The following FAM13A variants were observed in gnomAD, a reference collection of about 807,000 sequenced individuals.
FAM13A encodes protein FAM13A.
In FAM13A, 76 loss-of-function variants were observed where a neutral mutation model predicts 129.6. That is an observed-to-expected ratio of 0.59 (90% CI 0.49 to 0.71). The LOEUF is 0.71. FAM13A is among the 30% of genes least tolerant of loss of function. The pLI is 0.00. For synonymous variants in FAM13A, 443 were observed against 449.9 expected, an observed-to-expected ratio of 0.98 and a Z score of 0.20; for missense variants, 1,108 against 1,249.3, an observed-to-expected ratio of 0.89 and a Z score of 1.70.
chr4:88,909,496 T>G (rs1354794351), intron 5 of FAM13A, among the ~76,000 whole-genome samples: 1 of 151,848 alleles, frequency 6.6e-6, no homozygotes, highest in Non-Finnish European at 1.5e-5. Context: ...GTTTTTTATT[T>G]TTTTTTTTTG....
intron 4 of FAM13A, among the ~76,000 whole-genome samples, chr4:88,983,437 A>G (rs148426942): frequency 2.3e-4 from 35 of 152,320 alleles, no homozygotes; most frequent in African/African-American, 8.2e-4. Flanking sequence ...GCCCTTAAAC[A>G]CAAGTAAAAA....
chr4:88,945,474 C>T (rs2148845765), intron 4 of FAM13A, among the ~76,000 whole-genome samples: 1 of 152,186 alleles, frequency 6.6e-6, no homozygotes, highest in Admixed American at 6.5e-5. Flanking sequence ...TTAATTTTTC[C>T]ATATGTAGGC....
intron 15 of FAM13A, 38 bp from the exon 16 acceptor site, chr4:88,749,947 C>A (rs1742208739): frequency 9.9e-6 from 16 of 1,608,620 alleles, no homozygotes; most frequent in Non-Finnish European, 1.3e-5. Context: ...TCCCCAGGAG[C>A]AGTCACTGCT....
chr4:88,959,485 C>A (rs1296966630), intron 4 of FAM13A, among the ~76,000 whole-genome samples: 1 of 152,204 alleles, frequency 6.6e-6, no homozygotes, highest in East Asian at 1.9e-4. Flanking sequence ...CTCTGCCACT[C>A]TCTCATTTGT....
In FAM13A at chr4:88,731,332, A is replaced by T. The variant is rs781290967; in HGVS notation, c.2940T>A (p.Asn980Lys). The T allele has an allele frequency of 6.3e-7, 1 of 1,594,582 alleles. No individual in the cohort carries two copies. Among genetic ancestry groups the T allele is most frequent in the Non-Finnish European group, 8.6e-7 (1 of 1,166,970 alleles). Residue 980 changes from asparagine (N) to lysine (K), a missense_variant, in exon 23 of 24, where the codon AAT becomes AAA. This residue lies in a region of FAM13A where 529 missense variants were observed against 621.2 expected (regional missense o/e 0.85). Coordinates refer to ENST00000264344, the MANE Select transcript of FAM13A (RefSeq NM_014883.4). Reference sequence around the variant, plus strand: ...TGGGGGAAGACAGGCACTACCTTCCATTCTGTCTGAAAAAGTTGTCTTCAA... The same window carrying T: ...TGGGGGAAGACAGGCACTACCTTCCTTTCTGTCTGAAAAAGTTGTCTTCAA... The part of the protein sequence containing the change: ...RDFEDNFFRQ[N>K]GRNVQKEDRT...
intron 1 of FAM13A, among the ~76,000 whole-genome samples, chr4:89,053,990 A>C (rs1771918287): frequency 6.6e-6 from 1 of 152,182 alleles, no homozygotes; most frequent in Non-Finnish European, 1.5e-5. Flanking sequence ...AATAACATGA[A>C]CTGGCAACTG....
intron 7 of FAM13A, among the ~76,000 whole-genome samples, chr4:88,846,541 A>T (rs958138551): frequency 6.6e-6 from 1 of 152,258 alleles, no homozygotes; most frequent in Non-Finnish European, 1.5e-5. Flanking sequence ...AACAAACATT[A>T]ACTCTCTCTA....
chr4:89,032,247 A>AG (rs1768794618), intron 1 of FAM13A, among the ~76,000 whole-genome samples: 1 of 149,308 alleles, frequency 6.7e-6, no homozygotes, highest in Non-Finnish European at 1.5e-5. Context: ...TCCGTCTCAA[A>AG]AAAAAAAAAA....
chr4:89,012,479 A>C (rs1795734), intron 3 of FAM13A, among the ~76,000 whole-genome samples: 85,054 of 152,106 alleles, frequency 0.56, 24,278 homozygotes, highest in South Asian at 0.73. Context: ...TGGAAGAAAT[A>C]AAATAGAGAA....
chr4:89,009,888 C>T (rs1267773094), intron 3 of FAM13A, among the ~76,000 whole-genome samples: 2 of 152,108 alleles, frequency 1.3e-5, no homozygotes, highest in South Asian at 2.1e-4. Flanking sequence ...AGATGCCAAG[C>T]TCTTAATCAT....
At chr4:88,931,210 T>C (rs1752979711) in intron 5 of FAM13A, among the ~76,000 whole-genome samples, 1 of 152,072 alleles carries the variant, frequency 6.6e-6, no homozygotes, top group Non-Finnish European at 1.5e-5. Flanking sequence ...TGGCAGCAGC[T>C]GTGTCTGTAG....
At chr4:88,820,579 T>A (rs1422416777) in intron 7 of FAM13A, among the ~76,000 whole-genome samples, 4 of 152,226 alleles carry the variant, frequency 2.6e-5, no homozygotes, top group Non-Finnish European at 5.9e-5. Context: ...TTTGGAGATG[T>A]TGAGTAGTAT....
chr4:88,803,480 G>A (rs747068817), intron 8 of FAM13A, among the ~76,000 whole-genome samples: 6 of 152,026 alleles, frequency 3.9e-5, no homozygotes, highest in East Asian at 1.9e-4. Context: ...GTTCTCATTC[G>A]TTGGCATGAA....
intron 1 of FAM13A, among the ~76,000 whole-genome samples, chr4:89,047,952 C>T (rs1476945678): frequency 2.0e-5 from 3 of 152,104 alleles, no homozygotes; most frequent in African/African-American, 4.8e-5. Context: ...TACTAACTCA[C>T]TACAATGGTT....
At chr4:88,745,991 T>C (rs1204016679) in intron 19 of FAM13A, among the ~76,000 whole-genome samples, 3 of 152,014 alleles carry the variant, frequency 2.0e-5, no homozygotes, top group Non-Finnish European at 4.4e-5. Context: ...CACCACTAGG[T>C]GAACAAAGCC....
intron 14 of FAM13A, among the ~76,000 whole-genome samples, chr4:88,752,149 G>A (rs1742758272): frequency 6.6e-6 from 1 of 152,152 alleles, no homozygotes; most frequent in Admixed American, 6.5e-5. Context: ...CAATATTTAG[G>A]TGAGGGTCCA....
At chr4:88,887,553 C>G (rs1295281065) in intron 6 of FAM13A, among the ~76,000 whole-genome samples, 1 of 130,898 alleles carries the variant, frequency 7.6e-6, no homozygotes, top group Non-Finnish European at 1.6e-5. Context: ...TTTTTTGAGA[C>G]AGAGTCTCCC....
intron 5 of FAM13A, among the ~76,000 whole-genome samples, chr4:88,909,687 A>AG (rs1748740975): frequency 6.6e-6 from 1 of 152,104 alleles, no homozygotes; most frequent in African/African-American, 2.4e-5. Flanking sequence ...AGGTTTCTCC[A>AG]TGTTGGCCAG....
intron 7 of FAM13A, among the ~76,000 whole-genome samples, chr4:88,812,386 T>A (rs946299822): frequency 4.6e-5 from 7 of 152,144 alleles, no homozygotes; most frequent in African/African-American, 1.7e-4. Context: ...GTCCTTAGCC[T>A]CTCCTACTTC....
Sources: allele counts gnomAD v4.1 joint callset (sites outside exome capture counted in the v4.1 genomes callset), GRCh38; gene constraint gnomAD v4.1.1; regional missense constraint gnomAD v4.1.1; transcripts MANE v1.5; gene names NCBI Gene and HGNC (gene_info 2026-07-23, HGNC 2026-07-21).